Variants in DPYD observed in about 807,000 individuals in gnomAD.
The protein encoded by DPYD is dihydropyrimidine dehydrogenase [NADP(+)].
In DPYD, 109 loss-of-function variants were observed where a neutral mutation model predicts 116.2. The observed-to-expected ratio is 0.94, with a 90% CI of 0.80 to 1.10. The LOEUF is 1.10. DPYD is among the 50% of genes least tolerant of loss of function. The pLI, the probability that DPYD is intolerant of heterozygous loss-of-function variation, is 0.00. For missense variants in DPYD, 1,302 were observed against 1,254.5 expected (o/e 1.04, Z -0.57); for synonymous variants, 440 against 432.0 (o/e 1.02, Z -0.23).
chr1:97,238,141 T>C (rs1325348518), intron 18 of DPYD, among the ~76,000 whole-genome samples: 1 of 152,204 alleles, frequency 6.6e-6, no homozygotes, highest in Non-Finnish European at 1.5e-5. Context: ...TTCCAATTTA[T>C]GCTTTTCTTC....
chr1:97,102,795 G>A (rs1036254103), intron 20 of DPYD, among the ~76,000 whole-genome samples: 1 of 151,862 alleles, frequency 6.6e-6, no homozygotes, highest in African/African-American at 2.4e-5. Flanking sequence ...TATTCATTAA[G>A]GGCTAGTGTC....
At chr1:97,720,787 A>C in intron 5 of DPYD, 5 of 1,533,766 alleles carry the variant, frequency 3.3e-6, no homozygotes, top group Non-Finnish European at 3.5e-6. Context: ...TATACCCTTC[A>C]TATAAGCTGA....
intron 20 of DPYD, among the ~76,000 whole-genome samples, chr1:97,173,673 T>A (rs1368145035): frequency 6.6e-6 from 1 of 151,222 alleles, no homozygotes; most frequent in Non-Finnish European, 1.5e-5. Context: ...AATGCATAGA[T>A]GTTTATTTAA....
intron 2 of DPYD, among the ~76,000 whole-genome samples, chr1:97,862,932 C>T (rs1325618167): frequency 6.6e-6 from 1 of 151,672 alleles, no homozygotes; most frequent in African/African-American, 2.4e-5. Context: ...ACATCAATCT[C>T]GAATATCTAC....
intron 4 of DPYD, among the ~76,000 whole-genome samples, chr1:97,736,797 T>C (rs1036146555): frequency 3.9e-5 from 6 of 152,056 alleles, no homozygotes; most frequent in Non-Finnish European, 8.8e-5. Context: ...TTATGGCTTG[T>C]GTACCCTCTA....
At chr1:97,242,896 T>G (rs1243730187) in intron 18 of DPYD, among the ~76,000 whole-genome samples, 2 of 151,806 alleles carry the variant, frequency 1.3e-5, no homozygotes, top group Non-Finnish European at 2.9e-5. Flanking sequence ...ATATAGTGAT[T>G]AAAAGAAATC....
chr1:97,234,760 CA>C (rs1661792734), intron 19 of DPYD, 91 bp downstream of exon 19: 1 of 1,542,666 alleles, frequency 6.5e-7, no homozygotes, highest in Non-Finnish European at 8.8e-7. Flanking sequence ...TCAAGAGGCC[CA>C]AAAACGAATC....
intron 2 of DPYD, among the ~76,000 whole-genome samples, chr1:97,859,455 A>T (rs1158016914): frequency 6.6e-6 from 1 of 152,162 alleles, no homozygotes; most frequent in South Asian, 2.1e-4. Context: ...TTTCGGGTTA[A>T]AAGTTGTCAG....
chr1:97,514,108 C>A, intron 13 of DPYD: 2 of 757,366 alleles, frequency 2.6e-6, no homozygotes, highest in Non-Finnish European at 3.2e-6. Context: ...CCCTTTTGAA[C>A]CAGCATCACA....
chr1:97,371,446 T>C (rs1671307628), intron 16 of DPYD, among the ~76,000 whole-genome samples: 1 of 152,086 alleles, frequency 6.6e-6, no homozygotes, highest in African/African-American at 2.4e-5. Flanking sequence ...GTATAAATTC[T>C]GCACCCCACC....
chr1:97,545,443 G>C (rs1417098869), intron 12 of DPYD, among the ~76,000 whole-genome samples: 1 of 152,114 alleles, frequency 6.6e-6, no homozygotes, highest in East Asian at 1.9e-4. Context: ...AACTTAGTAG[G>C]TTTGAACCTG....
intron 12 of DPYD, among the ~76,000 whole-genome samples, chr1:97,534,074 A>G (rs549843837): frequency 7.2e-5 from 11 of 152,254 alleles, no homozygotes; most frequent in Non-Finnish European, 1.6e-4. Flanking sequence ...ACATTTCCAA[A>G]ACCTACCCAT....
At chr1:97,718,594 G>T (rs896288736) in intron 5 of DPYD, among the ~76,000 whole-genome samples, 14 of 151,774 alleles carry the variant, frequency 9.2e-5, no homozygotes, top group African/African-American at 3.1e-4. Context: ...ACAAATCCTG[G>T]AAGACTGGGA....
chr1:97,387,704 C>G (rs1351659932), intron 14 of DPYD, among the ~76,000 whole-genome samples: 1 of 151,954 alleles, frequency 6.6e-6, no homozygotes, highest in Non-Finnish European at 1.5e-5. Context: ...TGAGTAAAAG[C>G]AGCCAGGTAT....
At chr1:97,108,662 G>T (rs1383266663) in intron 20 of DPYD, among the ~76,000 whole-genome samples, 3 of 151,970 alleles carry the variant, frequency 2.0e-5, no homozygotes, top group East Asian at 3.9e-4. Context: ...AATCTGTATA[G>T]AAAATTAATA....
At chr1:97,872,392 A>T (rs2101619148) in intron 2 of DPYD, among the ~76,000 whole-genome samples, 1 of 152,110 alleles carries the variant, frequency 6.6e-6, no homozygotes, top group South Asian at 2.1e-4. Context: ...AATAAAAGTA[A>T]CAAGGCTGAT....
chr1:97,087,044 C>T (rs954401304), intron 21 of DPYD, among the ~76,000 whole-genome samples: 1 of 152,312 alleles, frequency 6.6e-6, no homozygotes, highest in East Asian at 1.9e-4. Flanking sequence ...TCAGTTTGCT[C>T]TTACTGAATT....
intron 19 of DPYD, among the ~76,000 whole-genome samples, chr1:97,203,997 T>G (rs1182825487): frequency 6.6e-6 from 1 of 152,080 alleles, no homozygotes; most frequent in African/African-American, 2.4e-5. Context: ...TCAACAATTT[T>G]GACTGAGTTG....
At chr1:97,782,764 T>A (rs1666821463) in intron 3 of DPYD, among the ~76,000 whole-genome samples, 2 of 152,232 alleles carry the variant, frequency 1.3e-5, no homozygotes, top group Non-Finnish European at 2.9e-5. Context: ...AAATCATTTA[T>A]AAAGAGTAAA....
Sources: gnomAD v4.1 joint callset for allele counts (sites outside exome capture counted in the v4.1 genomes callset) on GRCh38, gnomAD v4.1.1 for gene constraint, MANE v1.5 for transcripts, NCBI Gene and HGNC (gene_info 2026-07-23, HGNC 2026-07-21) for gene names.